The following ANO3 variants were observed in gnomAD, a reference collection of about 807,000 sequenced individuals.
The protein encoded by ANO3 is anoctamin 3, also known as anoctamin-3.
Under a neutral mutation model 144.8 loss-of-function variants are expected in ANO3, and 99 were observed. That is an observed-to-expected ratio of 0.68 (90% confidence interval 0.58 to 0.81). The LOEUF (loss-of-function observed/expected upper bound fraction) is 0.81, where lower values mean the gene tolerates loss of function less well. ANO3 is among the 30% of genes least tolerant of loss of function. The pLI, the probability that ANO3 is intolerant of heterozygous loss-of-function variation, is 0.00. For synonymous variants in ANO3, 414 were observed against 392.6 expected, an observed-to-expected ratio of 1.05 and a Z score of -0.64; for missense variants, 905 against 1,202.2, an observed-to-expected ratio of 0.75 and a Z score of 3.66.
At chr11:26,596,964 G>A (rs932300952) in intron 14 of ANO3, among the ~76,000 whole-genome samples, 2 of 152,204 alleles carry the variant, frequency 1.3e-5, no homozygotes, top group Non-Finnish European at 2.9e-5. Context: ...AAGGGTTGGG[G>A]GTTGTTAGAA....
chr11:26,564,766 TA>T (rs1850492073), intron 14 of ANO3, among the ~76,000 whole-genome samples: 1 of 99,050 alleles, frequency 1.0e-5, no homozygotes, highest in Non-Finnish European at 2.1e-5. Flanking sequence ...TATATATATA[TA>T]TATATATATA....
At chr11:26,635,130 G>C in intron 20 of ANO3, 60 bp downstream of exon 20, 1 of 1,442,486 alleles carries the variant, frequency 6.9e-7, no homozygotes, top group Non-Finnish European at 9.7e-7. Context: ...AGTTACTGCG[G>C]GAGGAAGGGA....
intron 17 of ANO3, among the ~76,000 whole-genome samples, chr11:26,600,989 A>T (rs917324030): frequency 6.6e-6 from 1 of 152,174 alleles, no homozygotes; most frequent in Non-Finnish European, 1.5e-5. Flanking sequence ...AGGTCTATCA[A>T]TGGGAACCAA....
chr11:26,527,600 G>C (rs1319946068), intron 7 of ANO3, among the ~76,000 whole-genome samples: 1 of 152,156 alleles, frequency 6.6e-6, no homozygotes, highest in East Asian at 1.9e-4. Context: ...TTTCACTTGT[G>C]CTTCTCTTTT....
chr11:26,265,015 G>GT (rs1853277198), intron 1 of ANO3, among the ~76,000 whole-genome samples: 1 of 151,946 alleles, frequency 6.6e-6, no homozygotes, highest in Non-Finnish European at 1.5e-5. Context: ...TAACAATAAA[G>GT]TGGAAAACAG....
In ANO3 at chr11:26,660,620, G is replaced by C. The variant is rs1275011152; in HGVS notation, c.*176G>C. Reference sequence around the variant, plus strand: ...TTGAAATATCCAGACTTGTAGGGAAGAAAACAATGACTTGACGACCTTAAA... The same window carrying C: ...TTGAAATATCCAGACTTGTAGGGAACAAAACAATGACTTGACGACCTTAAA... On this transcript the variant is annotated 3_prime_UTR_variant, in exon 27 of 27. Coordinates refer to ENST00000256737, the MANE Select transcript of ANO3 (RefSeq NM_031418.4). 3.4e-6 allele frequency: 2 copies of C among 580,050 alleles called. No homozygotes were observed. The highest frequency in any genetic ancestry group is 2.9e-6 in the Non-Finnish European group (1 of 346,910). 35.9% of individuals were successfully genotyped at this position (580,050 alleles called of 1,614,324 possible).
intron 24 of ANO3, among the ~76,000 whole-genome samples, chr11:26,655,480 A>G (rs1032215196): frequency 1.3e-5 from 2 of 152,184 alleles, no homozygotes; most frequent in Non-Finnish European, 2.9e-5. Context: ...TACCGTAGGA[A>G]TGCTGACTTA....
intron 1 of ANO3, among the ~76,000 whole-genome samples, chr11:26,392,246 T>A (rs904417472): frequency 4.7e-4 from 71 of 151,718 alleles, no homozygotes; most frequent in Non-Finnish European, 7.7e-4. Flanking sequence ...TGCCTTTTTT[T>A]TTTTTTTTTT....
intron 14 of ANO3, among the ~76,000 whole-genome samples, chr11:26,594,873 A>T (rs1332771702): frequency 1.3e-5 from 2 of 152,184 alleles, no homozygotes; most frequent in Non-Finnish European, 2.9e-5. Flanking sequence ...ATGATGTTAT[A>T]ATATATACTT....
At chr11:26,261,785 G>T (rs1036464666) in intron 1 of ANO3, among the ~76,000 whole-genome samples, 1 of 152,236 alleles carries the variant, frequency 6.6e-6, no homozygotes, top group African/African-American at 2.4e-5. Context: ...TAATGGCTTA[G>T]CTTTGTAAAA....
Position 26,472,775 on chromosome 11 carries a change from C to G in ANO3, c.432+9627C>G, listed in dbSNP as rs1316558335. Among the ~76,000 whole-genome samples the G allele has an allele frequency of 2.0e-5, 3 of 151,890 alleles. No homozygotes were observed. The East Asian group carries it at 5.8e-4, about 29-fold the overall frequency. ...GCTTGCGGCTTATAGCCCTTCATCTCCCCATGTCATCTTTCTCCATGTATT... is the reference window on the plus strand; with the variant it reads ...GCTTGCGGCTTATAGCCCTTCATCTGCCCATGTCATCTTTCTCCATGTATT... On this transcript the variant is annotated intron_variant, in intron 4 of 26. Transcript: ENST00000256737.
chr11:26,555,814 A>G (rs1850067362), intron 13 of ANO3, among the ~76,000 whole-genome samples: 1 of 152,196 alleles, frequency 6.6e-6, no homozygotes, highest in Non-Finnish European at 1.5e-5. Context: ...GATGGGTAGA[A>G]TCAGATATAA....
chr11:26,565,913 A>G (rs544636456), intron 14 of ANO3: 8 of 1,551,704 alleles, frequency 5.2e-6, no homozygotes, highest in African/African-American at 2.8e-5. Context: ...GAAAATAACC[A>G]TAATTTGAAT....
chr11:26,191,707 CA>C (rs1851481455), intron 1 of ANO3, among the ~76,000 whole-genome samples: 1 of 152,170 alleles, frequency 6.6e-6, no homozygotes, highest in South Asian at 2.1e-4. Context: ...AATATTCTTT[CA>C]AAATAATCTT....
intron 4 of ANO3, among the ~76,000 whole-genome samples, chr11:26,486,513 T>A (rs1188348076): frequency 6.6e-6 from 1 of 152,240 alleles, no homozygotes. Flanking sequence ...AAACTGTAAG[T>A]GCTCTTTGGC....
chr11:26,635,947 C>G (rs1852944065), intron 20 of ANO3, among the ~76,000 whole-genome samples: 1 of 152,082 alleles, frequency 6.6e-6, no homozygotes, highest in Non-Finnish European at 1.5e-5. Context: ...CCTGTAGTCC[C>G]AACACTTTAG....
intron 1 of ANO3, among the ~76,000 whole-genome samples, chr11:26,266,232 G>C (rs1243935498): frequency 6.6e-6 from 1 of 151,880 alleles, no homozygotes; most frequent in Admixed American, 6.6e-5. Flanking sequence ...CAGTTTCTCA[G>C]AGATTTCCCA....
intron 1 of ANO3, among the ~76,000 whole-genome samples, chr11:26,395,347 A>T (rs1199777572): frequency 6.6e-6 from 1 of 152,114 alleles, no homozygotes; most frequent in Non-Finnish European, 1.5e-5. Flanking sequence ...GATAGCATTG[A>T]ATCTCTAAAT....
intron 1 of ANO3, among the ~76,000 whole-genome samples, chr11:26,260,254 C>A (rs1264549669): frequency 6.6e-6 from 1 of 152,122 alleles, no homozygotes; most frequent in South Asian, 2.1e-4. Context: ...TATAAGACTT[C>A]TTTTCCCAAC....
Sources: gnomAD v4.1 joint callset for allele counts (sites outside exome capture counted in the v4.1 genomes callset) on GRCh38, gnomAD v4.1.1 for gene constraint, MANE v1.5 for transcripts, NCBI Gene and HGNC (gene_info 2026-07-23, HGNC 2026-07-21) for gene names.